ZBTB20: variants seen among roughly 807,000 people sequenced by gnomAD.
The protein encoded by ZBTB20 is zinc finger and BTB domain-containing protein 20.
In ZBTB20, 9 loss-of-function variants were observed where a neutral mutation model predicts 56.9. That is an observed-to-expected ratio of 0.16 (90% CI 0.10 to 0.28). ZBTB20 has a LOEUF of 0.28. ZBTB20 is among the 10% of genes least tolerant of loss of function. The pLI is 1.00. For missense variants in ZBTB20, 655 were observed against 1,003.0 expected (o/e 0.65, Z 4.69); for synonymous variants, 417 against 420.7 (o/e 0.99, Z 0.11).
chr3:115,095,757 C>T (rs2083358782), intron 1 of ZBTB20, among the ~76,000 whole-genome samples: 1 of 152,058 alleles, frequency 6.6e-6, no homozygotes, highest in Non-Finnish European at 1.5e-5. Flanking sequence ...ATATATTAAA[C>T]ATAATTGTCA....
At chr3:114,540,871 C>A (rs1013047614) in intron 6 of ZBTB20, among the ~76,000 whole-genome samples, 11 of 152,032 alleles carry the variant, frequency 7.2e-5, no homozygotes, top group Middle Eastern at 3.4e-3. Flanking sequence ...ATGTCAATTC[C>A]TTTTATCCTT....
chr3:114,675,993 C>T (rs565777308), intron 6 of ZBTB20, among the ~76,000 whole-genome samples: 5 of 151,966 alleles, frequency 3.3e-5, no homozygotes, highest in South Asian at 2.1e-4. Flanking sequence ...GTTATTACTC[C>T]GATTTTATTG....
chr3:114,449,186 AT>A (rs1291397955), intron 7 of ZBTB20, among the ~76,000 whole-genome samples: 1 of 152,200 alleles, frequency 6.6e-6, no homozygotes, highest in African/African-American at 2.4e-5. Flanking sequence ...TTGTAAAATA[AT>A]CCATTTGCAT....
At chr3:114,760,662 T>A (rs576585750) in intron 5 of ZBTB20, among the ~76,000 whole-genome samples, 1 of 152,346 alleles carries the variant, frequency 6.6e-6, no homozygotes, top group South Asian at 2.1e-4. Context: ...TGTCTTGATA[T>A]CATCAAAAAA....
chr3:114,479,965 T>C (rs184650280), intron 7 of ZBTB20, among the ~76,000 whole-genome samples: 4 of 152,330 alleles, frequency 2.6e-5, no homozygotes, highest in Non-Finnish European at 5.9e-5. Context: ...TTCTAGACCT[T>C]GATGGTACAA....
At chr3:114,423,637 A>C (rs1002764987) in intron 7 of ZBTB20, among the ~76,000 whole-genome samples, 1 of 152,230 alleles carries the variant, frequency 6.6e-6, no homozygotes, top group Non-Finnish European at 1.5e-5. Flanking sequence ...GGGTTTATGA[A>C]GTATGAGGGA....
rs1241976712 is a variant in ZBTB20, at chr3:114,644,040, T to C, written c.-295+49488A>G. Reference sequence around the variant, plus strand: ...TGGACAAATATTATAAAATGAACAATAAAAAACCTTAATTATGCAAATTAA... The same window carrying C: ...TGGACAAATATTATAAAATGAACAACAAAAAACCTTAATTATGCAAATTAA... On this transcript the variant is annotated intron_variant, in intron 6 of 11. Coordinates refer to ENST00000675478, the MANE Select transcript of ZBTB20 (RefSeq NM_001348800.3). 3.3e-5 allele frequency among the ~76,000 whole-genome samples: 5 copies of C among 151,834 alleles called. No individual in the cohort carries two copies. The East Asian group carries it at 9.6e-4, about 29-fold the overall frequency.
chr3:114,865,675 T>C (rs898203100), intron 4 of ZBTB20, among the ~76,000 whole-genome samples: 9 of 152,324 alleles, frequency 5.9e-5, no homozygotes, highest in Middle Eastern at 3.4e-3. Flanking sequence ...TACGAATATG[T>C]TAGCATATTT....
At chr3:114,726,783 G>A (rs909736793) in intron 5 of ZBTB20, among the ~76,000 whole-genome samples, 15 of 151,710 alleles carry the variant, frequency 9.9e-5, no homozygotes, top group Non-Finnish European at 2.1e-4. Flanking sequence ...ATGGTGGCAG[G>A]CACCTGTAGT....
At chr3:114,638,959 A>C (rs2059417429) in intron 6 of ZBTB20, among the ~76,000 whole-genome samples, 1 of 152,054 alleles carries the variant, frequency 6.6e-6, no homozygotes, top group Non-Finnish European at 1.5e-5. Context: ...TAAGTGAGGA[A>C]CCAGCGTTTG....
intron 3 of ZBTB20, among the ~76,000 whole-genome samples, chr3:114,902,999 T>C (rs2075181088): frequency 6.6e-6 from 1 of 152,252 alleles, no homozygotes; most frequent in East Asian, 1.9e-4. Flanking sequence ...TGCTGCAGGA[T>C]TATTCCAATG....
intron 6 of ZBTB20, among the ~76,000 whole-genome samples, chr3:114,649,057 C>A (rs772810296): frequency 2.6e-4 from 39 of 151,916 alleles, no homozygotes; most frequent in Non-Finnish European, 5.5e-4. Flanking sequence ...TTTCTTTCTT[C>A]CCAAATAATA....
At chr3:114,480,271 A>C (rs1246358232) in intron 7 of ZBTB20, among the ~76,000 whole-genome samples, 2 of 152,174 alleles carry the variant, frequency 1.3e-5, no homozygotes, top group East Asian at 1.9e-4. Flanking sequence ...AGCAAGGAGA[A>C]AGTGTTTTTC....
intron 2 of ZBTB20, among the ~76,000 whole-genome samples, chr3:115,022,859 A>C (rs932445608): frequency 1.3e-5 from 2 of 151,096 alleles, no homozygotes; most frequent in Non-Finnish European, 3.0e-5. Context: ...CTTCACTATG[A>C]CAAGGATATT....
intron 3 of ZBTB20, among the ~76,000 whole-genome samples, chr3:114,948,171 T>C (rs1177106281): frequency 6.9e-6 from 1 of 144,686 alleles, no homozygotes; most frequent in Non-Finnish European, 1.5e-5. Flanking sequence ...ATTAATTAAA[T>C]AACAAAAATC....
At chr3:114,354,041 T>C (rs562471582) in intron 10 of ZBTB20, among the ~76,000 whole-genome samples, 25 of 152,364 alleles carry the variant, frequency 1.6e-4, no homozygotes, top group African/African-American at 5.8e-4. Flanking sequence ...TGAAAGGCTT[T>C]GTCCACTACT....
intron 1 of ZBTB20, among the ~76,000 whole-genome samples, chr3:115,121,115 C>T (rs1028531365): frequency 6.6e-6 from 1 of 151,994 alleles, no homozygotes; most frequent in African/African-American, 2.4e-5. Flanking sequence ...AATTATAACC[C>T]GTTGAGCTAC....
intron 6 of ZBTB20, among the ~76,000 whole-genome samples, chr3:114,683,560 G>C (rs1253532043): frequency 6.6e-6 from 1 of 152,000 alleles, no homozygotes; most frequent in African/African-American, 2.4e-5. Flanking sequence ...CAATAATAAG[G>C]ATTGGCCAGG....
chr3:114,360,768 G>A (rs2081781771), intron 10 of ZBTB20, among the ~76,000 whole-genome samples: 1 of 152,064 alleles, frequency 6.6e-6, no homozygotes, highest in Non-Finnish European at 1.5e-5. Flanking sequence ...TGGATGACTG[G>A]TTAAAATGGA....
Sources: allele counts gnomAD v4.1 joint callset (sites outside exome capture counted in the v4.1 genomes callset), GRCh38; gene constraint gnomAD v4.1.1; transcripts MANE v1.5; gene names NCBI Gene and HGNC (gene_info 2026-07-23, HGNC 2026-07-21).